The following TTC28 variants were observed in gnomAD, a reference collection of about 807,000 sequenced individuals.
TTC28 encodes tetratricopeptide repeat protein 28.
A neutral mutation model predicts 198.0 loss-of-function variants in TTC28; 61 were observed. The observed-to-expected ratio is 0.31, with a 90% CI of 0.25 to 0.38. The LOEUF is 0.38. TTC28 is among the 10% of genes least tolerant of loss of function. The probability of loss-of-function intolerance (pLI) is 1.00; values close to 1 mark genes in which losing one functional copy is unlikely to be tolerated. For missense variants in TTC28, 2,678 were observed against 3,164.0 expected, an observed-to-expected ratio of 0.85 and a Z score of 3.69; for synonymous variants, 1,171 against 1,297.8, an observed-to-expected ratio of 0.90 and a Z score of 2.10.
In TTC28 at chr22:27,999,117, C is replaced by T. The variant is rs1937606541; in HGVS notation, c.4542G>A (p.Val1514=). The T allele has an allele frequency of 6.4e-7, 1 of 1,550,658 alleles. No individual in the cohort carries two copies. The highest frequency in any genetic ancestry group is 8.7e-7 in the Non-Finnish European group (1 of 1,146,994). The change falls in exon 16 of 23, where the codon GTG becomes GTA. Residue 1514 remains valine, a synonymous_variant. Transcript: ENST00000397906. The stretch of plus-strand genomic sequence containing the variant: ...GGGGCTGGCAGCCCAGCAGCTCGGA[C>T]ACCATGTAGGCCTCTTCCTCGGCCG... ...MPSAEEEAYM[V]SELLGCQPLV...
intron 12 of TTC28, among the ~76,000 whole-genome samples, chr22:28,050,082 GA>G (rs1183041984): frequency 2.0e-5 from 3 of 152,112 alleles, no homozygotes; most frequent in African/African-American, 7.2e-5. Context: ...GTACAGCTGG[GA>G]GGTAGATCTT....
intron 2 of TTC28, among the ~76,000 whole-genome samples, chr22:28,326,594 GA>G (rs2045533464): frequency 6.6e-6 from 1 of 152,114 alleles, no homozygotes. Context: ...GTTAAGATGG[GA>G]ATGCTTGTTT....
At chr22:28,573,202 A>G (rs1447204236) in intron 2 of TTC28, among the ~76,000 whole-genome samples, 1 of 151,850 alleles carries the variant, frequency 6.6e-6, no homozygotes, top group Non-Finnish European at 1.5e-5. Flanking sequence ...CATGCCTGTA[A>G]TCCCAGCACT....
intron 1 of TTC28, among the ~76,000 whole-genome samples, chr22:28,672,722 T>C (rs1281839278): frequency 6.6e-6 from 1 of 152,226 alleles, no homozygotes. Flanking sequence ...CCAAAAGTCA[T>C]ATTTGGAGAA....
chr22:28,264,194 A>AT (rs1931527182), intron 5 of TTC28, among the ~76,000 whole-genome samples: 1 of 152,098 alleles, frequency 6.6e-6, no homozygotes, highest in Non-Finnish European at 1.5e-5. Flanking sequence ...TGCTGCTGTC[A>AT]TGAGAGTGAA....
chr22:28,060,431 C>A (rs891249414), intron 12 of TTC28, among the ~76,000 whole-genome samples: 3 of 152,096 alleles, frequency 2.0e-5, no homozygotes, highest in East Asian at 1.9e-4. Flanking sequence ...TGAACTCATC[C>A]TTTTTTATGG....
At chr22:28,158,687 G>A (rs754914331) in intron 6 of TTC28, among the ~76,000 whole-genome samples, 1 of 152,150 alleles carries the variant, frequency 6.6e-6, no homozygotes, top group Admixed American at 6.5e-5. Context: ...AATAAATGGT[G>A]CTGGGAAAAC....
intron 5 of TTC28, among the ~76,000 whole-genome samples, chr22:28,182,901 T>C (rs2147108409): frequency 6.6e-6 from 1 of 152,298 alleles, no homozygotes; most frequent in Non-Finnish European, 1.5e-5. Flanking sequence ...CAAATACATG[T>C]GATCTGTATT....
rs1385363150 is a variant in TTC28, at chr22:27,982,552, G to C, written c.7115C>G (p.Thr2372Arg). Residue 2372 changes from threonine to arginine, a missense_variant, in exon 23 of 23, where the codon ACA becomes AGA. This residue lies in a region of TTC28 where 622 missense variants were observed against 656.0 expected (regional missense o/e 0.95). Coordinates refer to ENST00000397906, the MANE Select transcript of TTC28 (RefSeq NM_001145418.2). The surrounding 1 kb of genome is among the most constrained non-coding windows in gnomAD (Gnocchi z 5.2). ...MFWQSTPQHS[T>R]GPMKIFRGAP... ...CCCCCGGAAGATCTTCATTGGCCCT[G>C]TGGAATGCTGGGGTGTGCTCTGCCA... The C allele has an allele frequency of 1.3e-6, 2 of 1,551,788 alleles. No individual in the cohort carries two copies. Among genetic ancestry groups the C allele is most frequent in the South Asian group, 1.2e-5 (1 of 84,046 alleles).
At chr22:28,609,521 C>G (rs2050784977) in intron 2 of TTC28, among the ~76,000 whole-genome samples, 1 of 152,200 alleles carries the variant, frequency 6.6e-6, no homozygotes, top group South Asian at 2.1e-4. Context: ...CCATGAGGGG[C>G]TGTGAACAGT....
intron 5 of TTC28, among the ~76,000 whole-genome samples, chr22:28,227,666 A>G (rs532629620): frequency 1.3e-5 from 2 of 152,228 alleles, no homozygotes; most frequent in South Asian, 4.2e-4. Flanking sequence ...CCACAATGAG[A>G]TACCACTTCG....
chr22:28,386,574 G>C (rs1422742502), intron 2 of TTC28, among the ~76,000 whole-genome samples: 1 of 152,096 alleles, frequency 6.6e-6, no homozygotes, highest in Non-Finnish European at 1.5e-5. Context: ...ATTTGTCCTT[G>C]AATGGGTATA....
intron 2 of TTC28, 79 bp downstream of exon 2, chr22:28,629,473 C>A: frequency 7.3e-7 from 1 of 1,372,822 alleles, no homozygotes; most frequent in Non-Finnish European, 9.7e-7. Context: ...TACACTAAAT[C>A]AACAAAATAT....
At chr22:28,336,120 T>C (rs1288256595) in intron 2 of TTC28, among the ~76,000 whole-genome samples, 1 of 152,246 alleles carries the variant, frequency 6.6e-6, no homozygotes, top group Non-Finnish European at 1.5e-5. Context: ...TCATTGCTTC[T>C]GTTTATATGC....
intron 5 of TTC28, among the ~76,000 whole-genome samples, chr22:28,286,540 G>A (rs1294559228): frequency 6.6e-6 from 1 of 152,176 alleles, no homozygotes; most frequent in Admixed American, 6.5e-5. Context: ...ACAATGAGAA[G>A]TATAAATCTA....
chr22:28,099,179 A>G (rs1224840633), intron 9 of TTC28, 135 bp from the exon 10 acceptor site: 1 of 1,250,884 alleles, frequency 8.0e-7, no homozygotes, highest in Non-Finnish European at 1.1e-6. Context: ...GAAGAGTCTG[A>G]TGTCCAGGTG....
chr22:28,417,355 GT>G (rs2047183045), intron 2 of TTC28, among the ~76,000 whole-genome samples: 1 of 145,752 alleles, frequency 6.9e-6, no homozygotes, highest in South Asian at 2.2e-4. Flanking sequence ...CACACTTGCA[GT>G]CTCAGCTACT....
At chr22:28,036,520 T>A (rs533181507) in intron 12 of TTC28, among the ~76,000 whole-genome samples, 5 of 152,272 alleles carry the variant, frequency 3.3e-5, no homozygotes, top group Non-Finnish European at 7.4e-5. Context: ...TTTAAAGCAG[T>A]GTGTAGAGGG....
rs572011560 is a variant in TTC28, at chr22:28,336,019, A to T, written c.382-29376T>A. ...TTATTTTGAGATACGTGCCATCAAT[A>T]CCTAATTTATTGAGAGTTTTTAGCA... is the stretch of plus-strand genomic sequence containing the variant. On this transcript the variant is annotated intron_variant, in intron 2 of 22. Coordinates refer to ENST00000397906, the MANE Select transcript of TTC28 (RefSeq NM_001145418.2). Among the ~76,000 whole-genome samples, 17 of 152,246 alleles carry T rather than the reference A, an allele frequency of 1.1e-4. No individual in the cohort carries two copies. The South Asian group carries it at 3.3e-3, about 30-fold the overall frequency.
Sources: allele counts gnomAD v4.1 joint callset (sites outside exome capture counted in the v4.1 genomes callset), GRCh38; gene constraint gnomAD v4.1.1; regional missense constraint gnomAD v4.1.1; non-coding constraint Gnocchi (gnomAD v3.1); transcripts MANE v1.5; gene names NCBI Gene and HGNC (gene_info 2026-07-23, HGNC 2026-07-21).